Variants in SP2 observed in about 807,000 individuals in gnomAD.
SP2 encodes the protein transcription factor Sp2.
A neutral mutation model predicts 50.1 loss-of-function variants in SP2; 9 were observed. That is an observed-to-expected ratio of 0.18 (90% CI 0.11 to 0.31). SP2 has a LOEUF of 0.31. Among genes scored for constraint, SP2 ranks in the 10% least tolerant of loss-of-function variants. SP2 has a pLI of 1.00. For missense variants in SP2, 581 were observed against 806.5 expected (o/e 0.72, Z 3.39); for synonymous variants, 313 against 326.6 (o/e 0.96, Z 0.45).
Position 47,916,711 on chromosome 17 carries a change from C to G in SP2, c.640C>G (p.Leu214Val). ...TGGGGGCGGCAATGTGACGCTCACT[C>G]TGCCCGTCAACAACCTTGTGAACGC... The part of the protein sequence containing the change: ...TGGGGNVTLT[L>V]PVNNLVNASD... The change falls in exon 3 of 7, where the codon CTG (leucine) becomes GTG (valine). Residue 214 changes from leucine (L) to valine (V), a missense_variant. By Grantham distance (32) the Leu-to-Val change is conservative. Transcript: ENST00000376741. This position sits in a 1 kb window ranked among gnomAD's most constrained non-coding sequence, Gnocchi z 4.7. The G allele has an allele frequency of 1.2e-6, 2 of 1,613,438 alleles. No homozygotes were observed. The highest frequency in any genetic ancestry group is 1.1e-5 in the South Asian group (1 of 91,044).
At chr17:47,914,166 T>G (rs542230724) in intron 1 of SP2, among the ~76,000 whole-genome samples, 1 of 151,220 alleles carries the variant, frequency 6.6e-6, no homozygotes, top group South Asian at 2.1e-4. Flanking sequence ...AGGTCAGGAG[T>G]TTGAGAACAG....
intron 3 of SP2, among the ~76,000 whole-genome samples, chr17:47,921,411 G>C (rs1054694932): frequency 1.3e-5 from 2 of 152,102 alleles, no homozygotes; most frequent in Non-Finnish European, 2.9e-5. Context: ...ATCCCTCCCG[G>C]CTAATTTTTT....
chr17:47,899,575 A>G (rs997594683), intron 1 of SP2: 2 of 152,232 alleles, frequency 1.3e-5, no homozygotes, highest in Admixed American at 6.5e-5. Context: ...CCCAGGTGGC[A>G]GATTTGTCCT....
rs555292157 is a variant in SP2, at chr17:47,905,668, C to G, written c.7+9375C>G. On this transcript the variant is annotated intron_variant, in intron 1 of 6. Transcript: ENST00000376741. ...CTCTCTTCCTGTTACGTGCTCTCCC[C>G]AAGTCAGGCCTAGAAAGACCGTGGG... Among the ~76,000 whole-genome samples the G allele has an allele frequency of 1.6e-3, 238 of 152,274 alleles. 1 individual carries two copies. Among genetic ancestry groups the G allele is most frequent in the Non-Finnish European group, 2.9e-3 (200 of 68,016 alleles).
At chr17:47,900,097 T>G (rs1380935449) in intron 1 of SP2, 1 of 152,272 alleles carries the variant, frequency 6.6e-6, no homozygotes, top group Non-Finnish European at 1.5e-5. Flanking sequence ...GATACCAGTT[T>G]GTCCCTTTGT....
rs1055314716 is a variant in SP2 at position 47,928,032 on chromosome 17, G to A, written c.*208G>A. 11 of 550,070 alleles carry A rather than the reference G, an allele frequency of 2.0e-5. No homozygotes were observed. Among genetic ancestry groups the A allele is most frequent in the Non-Finnish European group, 2.9e-5 (9 of 305,382 alleles). The allele number at this position is 550,070 out of a possible 1,614,324, so 34.1% of individuals were successfully genotyped here. A position where few individuals can be genotyped will look rare whatever the true frequency, so the allele number is the denominator to read the frequency against. ...CTGCCTTGGCCCTTCCCCTCACCAC[G>A]AGCTCCCGGCCTGCCCAGACTGTGG... On this transcript the variant is annotated 3_prime_UTR_variant, in exon 7 of 7. Coordinates refer to ENST00000376741, the MANE Select transcript of SP2 (RefSeq NM_003110.6).
At chr17:47,919,847 T>TTTTC (rs775471593) in intron 3 of SP2, among the ~76,000 whole-genome samples, 1 of 99,918 alleles carries the variant, frequency 1.0e-5, no homozygotes, top group East Asian at 2.5e-4. Context: ...TTTTTTTTTT[T>TTTTC]CTGTTTTTTT....
intron 3 of SP2, among the ~76,000 whole-genome samples, chr17:47,920,077 C>G (rs1328297569): frequency 2.6e-5 from 4 of 151,762 alleles, no homozygotes; most frequent in Admixed American, 2.0e-4. Flanking sequence ...TTTACTTGAC[C>G]ATCATGACCT....
At chr17:47,901,508 G>GA in intron 1 of SP2, among the ~76,000 whole-genome samples, 1 of 152,042 alleles carries the variant, frequency 6.6e-6, no homozygotes, top group Non-Finnish European at 1.5e-5. Flanking sequence ...CACCAGGCTG[G>GA]AGTGCAGTGG....
At chr17:47,926,836 C>T (rs1474758651) in intron 6 of SP2, among the ~76,000 whole-genome samples, 4 of 152,092 alleles carry the variant, frequency 2.6e-5, no homozygotes, top group Non-Finnish European at 5.9e-5. Flanking sequence ...TACACTTTGG[C>T]AAACAGTGCT....
chr17:47,919,578 G>T (rs2035352176), intron 3 of SP2, among the ~76,000 whole-genome samples: 1 of 151,596 alleles, frequency 6.6e-6, no homozygotes, highest in South Asian at 2.1e-4. Context: ...AGTGTAAATT[G>T]CCACCATGAT....
rs1567697119 is a variant in SP2 at position 47,916,535 on chromosome 17, A to G, written c.464A>G (p.Gln155Arg). 6.2e-7 allele frequency: 1 copy of G among 1,614,104 alleles called. No individual in the cohort carries two copies. The highest frequency in any genetic ancestry group is 1.7e-5 in the Admixed American group (1 of 60,004). Residue 155 changes from glutamine (Q) to arginine (R), a missense_variant, in exon 3 of 7, where the codon CAG (glutamine) becomes CGG (arginine). By Grantham distance (43) the Gln-to-Arg change is conservative. This residue lies in a region of SP2 where 397 missense variants were observed against 491.0 expected (regional missense o/e 0.81). Transcript: ENST00000376741. The surrounding 1 kb of genome is among the most constrained non-coding windows in gnomAD (Gnocchi z 4.7). ...TIQVQPNLTN[Q>R]IQIIPGTNQA... ...CAAGTACAGCCCAATCTCACCAACC[A>G]GATCCAGATCATCCCTGGCACCAAC...
chr17:47,915,500 G>C, intron 2 of SP2, 112 bp downstream of exon 2: 1 of 632,606 alleles, frequency 1.6e-6, no homozygotes, highest in African/African-American at 1.9e-5. Context: ...ATGAGACTGG[G>C]GAAGGTTCAG....
intron 1 of SP2, among the ~76,000 whole-genome samples, chr17:47,896,494 C>G (rs977990851): frequency 1.3e-5 from 2 of 151,996 alleles, no homozygotes; most frequent in African/African-American, 4.8e-5. Context: ...GGCGGAGGCA[C>G]CCGGAAGGGG....
intron 3 of SP2, among the ~76,000 whole-genome samples, chr17:47,919,999 G>A (rs1332698406): frequency 1.3e-5 from 2 of 151,740 alleles, no homozygotes; most frequent in East Asian, 3.9e-4. Context: ...ACCACGCCCG[G>A]CTAATTTTTT....
chr17:47,917,788 T>C (rs1470411249), intron 3 of SP2: 1 of 446,528 alleles, frequency 2.2e-6, no homozygotes, highest in Non-Finnish European at 4.5e-6. Context: ...AGCCACTGCT[T>C]CCTGCCAAAC....
intron 1 of SP2, among the ~76,000 whole-genome samples, chr17:47,896,828 C>T (rs1218084254): frequency 6.6e-6 from 1 of 152,196 alleles, no homozygotes; most frequent in Admixed American, 6.5e-5. Context: ...GGGCACTGCT[C>T]GGCATCGACG....
intron 1 of SP2, among the ~76,000 whole-genome samples, chr17:47,913,757 C>G (rs973093306): frequency 6.6e-6 from 1 of 152,042 alleles, no homozygotes; most frequent in Non-Finnish European, 1.5e-5. Flanking sequence ...ATTACTTCCT[C>G]AACCTTATTT....
chr17:47,921,537 C>G (rs1251595881), intron 3 of SP2, among the ~76,000 whole-genome samples: 1 of 152,252 alleles, frequency 6.6e-6, no homozygotes, highest in Non-Finnish European at 1.5e-5. Context: ...CAGGCGTGAA[C>G]TACTGCACCC....
Sources: gnomAD v4.1 joint callset for allele counts (sites outside exome capture counted in the v4.1 genomes callset) on GRCh38, gnomAD v4.1.1 for gene constraint, gnomAD v4.1.1 regional missense constraint, Gnocchi (gnomAD v3.1) non-coding constraint, MANE v1.5 for transcripts, NCBI Gene and HGNC (gene_info 2026-07-23, HGNC 2026-07-21) for gene names.